Variants in PVT1 observed in about 807,000 individuals in gnomAD.
PVT1 encodes the protein Pvt1 oncogene.
At chr8:128,038,560 A>G (rs981096357) in intron 4 of PVT1, among the ~76,000 whole-genome samples, 1 of 152,174 alleles carries the variant, frequency 6.6e-6, no homozygotes, top group Admixed American at 6.5e-5. Context: ...AAGCCTCTGT[A>G]AATAATCAAG....
intron 4 of PVT1, among the ~76,000 whole-genome samples, chr8:128,041,656 T>C (rs1813547010): frequency 6.6e-6 from 1 of 151,634 alleles, no homozygotes; most frequent in Non-Finnish European, 1.5e-5. Flanking sequence ...TGTGTGTGTA[T>C]TTTGTGAGTG....
intron 5 of PVT1, among the ~76,000 whole-genome samples, chr8:128,073,573 C>T (rs1386422512): frequency 6.6e-6 from 1 of 152,072 alleles, no homozygotes; most frequent in African/African-American, 2.4e-5. Context: ...GTACTGATGC[C>T]GCTGGTCCAT....
intron 4 of PVT1, among the ~76,000 whole-genome samples, chr8:128,066,588 T>A (rs1023378622): frequency 6.6e-6 from 1 of 152,020 alleles, no homozygotes; most frequent in South Asian, 2.1e-4. Flanking sequence ...TTGGTAGGGG[T>A]TTTCTTGGCC....
chr8:127,795,458 G>A (rs1194894608), intron 1 of PVT1, among the ~76,000 whole-genome samples: 1 of 152,132 alleles, frequency 6.6e-6, no homozygotes, highest in African/African-American at 2.4e-5. Context: ...GTTCATCTAA[G>A]CTCCTGACTT....
At chr8:127,938,809 G>A (rs1816309673) in intron 3 of PVT1, among the ~76,000 whole-genome samples, 2 of 152,204 alleles carry the variant, frequency 1.3e-5, no homozygotes, top group African/African-American at 4.8e-5. Flanking sequence ...TGGCAGGCGA[G>A]TGGGTCTCGT....
chr8:128,083,773 G>A (rs530482919), intron 5 of PVT1, among the ~76,000 whole-genome samples: 1 of 152,322 alleles, frequency 6.6e-6, no homozygotes, highest in South Asian at 2.1e-4. Context: ...TCTATGCAGT[G>A]AGGGTCAAGA....
intron 3 of PVT1, among the ~76,000 whole-genome samples, chr8:127,892,744 G>A (rs1815627445): frequency 6.6e-6 from 1 of 152,176 alleles, no homozygotes; most frequent in South Asian, 2.1e-4. Flanking sequence ...CTGTGGTCAC[G>A]TAGGGGCAGG....
chr8:127,953,202 C>G (rs1290935688), intron 3 of PVT1, among the ~76,000 whole-genome samples: 1 of 152,210 alleles, frequency 6.6e-6, no homozygotes, highest in African/African-American at 2.4e-5. Context: ...CTTTGAAGGT[C>G]AGGCTGGGCA....
chr8:127,800,465 C>T (rs983231446), intron 2 of PVT1, among the ~76,000 whole-genome samples: 1 of 152,248 alleles, frequency 6.6e-6, no homozygotes, highest in South Asian at 2.1e-4. Flanking sequence ...GCAAAGTCTC[C>T]CCGGCCCCAC....
intron 4 of PVT1, among the ~76,000 whole-genome samples, chr8:128,015,170 A>T (rs960164530): frequency 2.0e-5 from 3 of 151,798 alleles, no homozygotes; most frequent in Non-Finnish European, 4.4e-5. Context: ...GCTAACTGCA[A>T]CCTCTGGTAT....
At chr8:127,962,509 A>G (rs1220051754) in intron 3 of PVT1, among the ~76,000 whole-genome samples, 1 of 152,146 alleles carries the variant, frequency 6.6e-6, no homozygotes, top group Non-Finnish European at 1.5e-5. Context: ...TTTGTAGATG[A>G]CAGGGCTAGG....
At chr8:128,047,502 G>A (rs543452046) in intron 4 of PVT1, among the ~76,000 whole-genome samples, 31 of 152,326 alleles carry the variant, frequency 2.0e-4, no homozygotes, top group Admixed American at 5.9e-4. Context: ...GGATGGGCGC[G>A]TGGGAGCCAT....
At chr8:127,881,051 A>G (rs1815461434) in intron 2 of PVT1, among the ~76,000 whole-genome samples, 1 of 152,228 alleles carries the variant, frequency 6.6e-6, no homozygotes, top group African/African-American at 2.4e-5. Flanking sequence ...CTGCTGCATC[A>G]TGCCCATGAA....
chr8:128,037,962 C>T (rs1813485145), intron 4 of PVT1, among the ~76,000 whole-genome samples: 1 of 152,148 alleles, frequency 6.6e-6, no homozygotes. Flanking sequence ...AAATAAACTT[C>T]ATTGTTAAGT....
At chr8:127,841,044 G>C (rs559112623) in intron 2 of PVT1, among the ~76,000 whole-genome samples, 1 of 152,338 alleles carries the variant, frequency 6.6e-6, no homozygotes, top group East Asian at 1.9e-4. Flanking sequence ...CTTGCTCCGG[G>C]AATCGATGGT....
At chr8:127,857,414 T>G (rs990679758) in intron 2 of PVT1, among the ~76,000 whole-genome samples, 1 of 152,094 alleles carries the variant, frequency 6.6e-6, no homozygotes, top group Non-Finnish European at 1.5e-5. Context: ...GGCTCCTGCC[T>G]GTAATCCCAG....
chr8:127,822,533 C>T (rs527971181), intron 2 of PVT1, among the ~76,000 whole-genome samples: 2 of 152,218 alleles, frequency 1.3e-5, no homozygotes, highest in South Asian at 2.1e-4. Flanking sequence ...GCTGAGATCA[C>T]GCTACTGCAC....
chr8:128,036,067 G>A (rs1439668872), intron 4 of PVT1, among the ~76,000 whole-genome samples: 2 of 152,208 alleles, frequency 1.3e-5, no homozygotes, highest in South Asian at 2.1e-4. Context: ...AGTATTCTAA[G>A]TGTTAACACC....
intron 2 of PVT1, among the ~76,000 whole-genome samples, chr8:127,830,639 G>T (rs952766513): frequency 1.3e-5 from 2 of 152,086 alleles, no homozygotes; most frequent in East Asian, 3.8e-4. Flanking sequence ...GTCCTAGCAC[G>T]TTGCGGGGCT....
Sources: gnomAD v4.1 joint callset for allele counts (sites outside exome capture counted in the v4.1 genomes callset) on GRCh38, gnomAD v4.1.1 for gene constraint, MANE v1.5 for transcripts, NCBI Gene and HGNC (gene_info 2026-07-23, HGNC 2026-07-21) for gene names.